Variants in FIGN observed in about 807,000 individuals in gnomAD.
FIGN encodes fidgetin, microtubule severing factor, also known as fidgetin.
In FIGN, 11 loss-of-function variants were observed where a neutral mutation model predicts 51.3. That is an observed-to-expected ratio of 0.21 (90% CI 0.13 to 0.35). The LOEUF (loss-of-function observed/expected upper bound fraction) is 0.35, where lower values mean the gene tolerates loss of function less well. Ranked by LOEUF, FIGN falls within the 10% of genes least tolerant of loss-of-function variation. The pLI, the probability that FIGN is intolerant of heterozygous loss-of-function variation, is 1.00. For missense variants in FIGN, 857 were observed against 943.6 expected, an observed-to-expected ratio of 0.91 and a Z score of 1.20; for synonymous variants, 407 against 363.2, an observed-to-expected ratio of 1.12 and a Z score of -1.37.
intron 2 of FIGN, among the ~76,000 whole-genome samples, chr2:163,713,989 A>C (rs1684628398): frequency 6.6e-6 from 1 of 152,144 alleles, no homozygotes; most frequent in Admixed American, 6.5e-5. Flanking sequence ...GCAGCAAACA[A>C]GCTGATTTGC....
At chr2:163,690,107 T>C (rs570399347) in intron 2 of FIGN, among the ~76,000 whole-genome samples, 1 of 152,268 alleles carries the variant, frequency 6.6e-6, no homozygotes, top group East Asian at 1.9e-4. Context: ...ATTGGGCCTA[T>C]GAAAGAACAG....
At chr2:163,630,138 T>C in intron 2 of FIGN, among the ~76,000 whole-genome samples, 1 of 151,518 alleles carries the variant, frequency 6.6e-6, no homozygotes, top group Non-Finnish European at 1.5e-5. Flanking sequence ...GCAAACTTTT[T>C]TATTTTTTGT....
At chr2:163,677,807 C>T (rs1214653973) in intron 2 of FIGN, among the ~76,000 whole-genome samples, 2 of 152,154 alleles carry the variant, frequency 1.3e-5, no homozygotes, top group Non-Finnish European at 2.9e-5. Context: ...AACTTTAAGT[C>T]ACTTAGACAT....
chr2:163,689,173 A>AACACACACAC (rs58519537), intron 2 of FIGN, among the ~76,000 whole-genome samples: 5,483 of 144,676 alleles, frequency 0.038, 285 homozygotes, highest in African/African-American at 0.12. Flanking sequence ...AACAAAAATG[A>AACACACACAC]ACACACACAC....
chr2:163,653,385 A>T (rs1394511356), intron 2 of FIGN, among the ~76,000 whole-genome samples: 1 of 152,132 alleles, frequency 6.6e-6, no homozygotes, highest in African/African-American at 2.4e-5. Flanking sequence ...CTTGCCACTT[A>T]TATGAAAAGA....
intron 2 of FIGN, among the ~76,000 whole-genome samples, chr2:163,704,105 A>G (rs1007631103): frequency 2.6e-5 from 4 of 152,150 alleles, no homozygotes; most frequent in African/African-American, 9.7e-5. Flanking sequence ...TTTAATTTAA[A>G]TTAAAAATTT....
rs192402376 is a variant in FIGN, at chr2:163,693,291, G to A, written c.25+41612C>T. On this transcript the variant is annotated intron_variant, in intron 2 of 2. Coordinates refer to ENST00000333129, the MANE Select transcript of FIGN (RefSeq NM_018086.4). ...TGTGTGTGTATTCAGTGGAGTAAGG[G>A]ATAGCTAAAACGACCAGAGGAGTGA... 7.2e-5 allele frequency among the ~76,000 whole-genome samples: 11 copies of A among 152,050 alleles called. No individual in the cohort carries two copies. The East Asian group carries it at 1.9e-3, about 27-fold the overall frequency.
At chr2:163,627,630 T>C (rs530747317) in intron 2 of FIGN, among the ~76,000 whole-genome samples, 2 of 152,250 alleles carry the variant, frequency 1.3e-5, no homozygotes, top group East Asian at 3.9e-4. Context: ...TAGAGCTTAT[T>C]AATCCTTCAC....
rs1691152255 is a variant in FIGN, at chr2:163,608,188, G to A, written c.*1364C>T. 1 of 152,764 alleles carries A rather than the reference G, an allele frequency of 6.5e-6. No individual in the cohort carries two copies. Among genetic ancestry groups the A allele is most frequent in the Non-Finnish European group, 1.5e-5 (1 of 68,048 alleles). 9.5% of individuals were successfully genotyped at this position (152,764 alleles called of 1,614,324 possible). On this transcript the variant is annotated 3_prime_UTR_variant, in exon 3 of 3. Transcript: ENST00000333129. ...AGCACTACAGCCCAGATTTCAAAAT[G>A]AGAAGCAAAATTGCACTGACAAGAG...
At chr2:163,656,205 A>C (rs1683557029) in intron 2 of FIGN, among the ~76,000 whole-genome samples, 1 of 152,162 alleles carries the variant, frequency 6.6e-6, no homozygotes, top group Non-Finnish European at 1.5e-5. Context: ...ACTCTTAGAG[A>C]CATCTAGAGA....
At chr2:163,698,420 C>T (rs1483793548) in intron 2 of FIGN, among the ~76,000 whole-genome samples, 4 of 152,110 alleles carry the variant, frequency 2.6e-5, no homozygotes, top group Admixed American at 1.3e-4. Context: ...CTCCTAGTCT[C>T]CCAATGCTAC....
At chr2:163,642,277 CG>C (rs1683317224) in intron 2 of FIGN, among the ~76,000 whole-genome samples, 1 of 152,172 alleles carries the variant, frequency 6.6e-6, no homozygotes, top group Non-Finnish European at 1.5e-5. Flanking sequence ...AGTGATTCAA[CG>C]AAAGTAATGA....
intron 2 of FIGN, among the ~76,000 whole-genome samples, chr2:163,631,945 C>T (rs1218209759): frequency 6.6e-6 from 1 of 151,998 alleles, no homozygotes; most frequent in Admixed American, 6.6e-5. Context: ...GTCAGGTGTT[C>T]GAGACCAGCC....
chr2:163,693,884 G>A (rs138313160), intron 2 of FIGN, among the ~76,000 whole-genome samples: 3 of 152,216 alleles, frequency 2.0e-5, no homozygotes, highest in African/African-American at 7.2e-5. Flanking sequence ...CAAACAAACT[G>A]AGCCACATTA....
At chr2:163,645,948 A>G (rs1412043512) in intron 2 of FIGN, among the ~76,000 whole-genome samples, 1 of 152,242 alleles carries the variant, frequency 6.6e-6, no homozygotes, top group Non-Finnish European at 1.5e-5. Context: ...TAGTAAATCC[A>G]GAACCTGGAC....
intron 2 of FIGN, among the ~76,000 whole-genome samples, chr2:163,647,819 T>C (rs1351043498): frequency 6.6e-6 from 1 of 152,180 alleles, no homozygotes; most frequent in Non-Finnish European, 1.5e-5. Flanking sequence ...TATGTATGTA[T>C]GTGTAACTAT....
At chr2:163,721,028 AG>A (rs1358931303) in intron 2 of FIGN, among the ~76,000 whole-genome samples, 1 of 152,202 alleles carries the variant, frequency 6.6e-6, no homozygotes, top group Non-Finnish European at 1.5e-5. Flanking sequence ...CAGTAAAAGA[AG>A]GCAGACAACA....
intron 2 of FIGN, among the ~76,000 whole-genome samples, chr2:163,622,674 G>C (rs531744245): frequency 3.1e-4 from 47 of 152,128 alleles, no homozygotes; most frequent in Admixed American, 5.2e-4. Context: ...TGATCCTCCA[G>C]CTTCAGCCTG....
At chr2:163,710,288 T>C (rs1684566900) in intron 2 of FIGN, among the ~76,000 whole-genome samples, 1 of 152,136 alleles carries the variant, frequency 6.6e-6, no homozygotes, top group African/African-American at 2.4e-5. Context: ...CTATGATCCT[T>C]AGAAAAAAAT....
Sources: allele counts gnomAD v4.1 joint callset (sites outside exome capture counted in the v4.1 genomes callset), GRCh38; gene constraint gnomAD v4.1.1; transcripts MANE v1.5; gene names NCBI Gene and HGNC (gene_info 2026-07-23, HGNC 2026-07-21).